The following TLE1 variants were observed in gnomAD, a reference collection of about 807,000 sequenced individuals.
TLE1 encodes the protein TLE family member 1, transcriptional corepressor.
In TLE1, 21 loss-of-function variants were observed where a neutral mutation model predicts 89.8. The observed-to-expected ratio is 0.23, with a 90% confidence interval of 0.17 to 0.34. The LOEUF is 0.34. Ranked by LOEUF, TLE1 falls within the 10% of genes least tolerant of loss-of-function variation. TLE1 has a pLI of 1.00. For missense variants in TLE1, 795 were observed against 1,031.2 expected (o/e 0.77, Z 3.14); for synonymous variants, 447 against 407.6 (o/e 1.10, Z -1.16).
In TLE1 at chr9:81,685,578, A is replaced by T. The variant is rs1834159247; in HGVS notation, c.234+98T>A. 4 of 1,231,030 alleles carry T rather than the reference A, an allele frequency of 3.2e-6. No individual in the cohort carries two copies. The Admixed American group carries it at 9.6e-5, about 30-fold the overall frequency. 76.3% of individuals were successfully genotyped at this position (1,231,030 alleles called of 1,614,324 possible). A position where few individuals can be genotyped will look rare whatever the true frequency, so the allele number is the denominator to read the frequency against. On this transcript the variant is annotated intron_variant, in intron 4 of 19. Transcript: ENST00000376499. ...ACCAAGGCAGAAAAATAGCATACAAACCCCCACCCCTAGAGCCCACTACTG... is the reference window on the plus strand; with the variant it reads ...ACCAAGGCAGAAAAATAGCATACAATCCCCCACCCCTAGAGCCCACTACTG...
chr9:81,686,752 G>A (rs559426343), intron 2 of TLE1, among the ~76,000 whole-genome samples: 48 of 152,304 alleles, frequency 3.2e-4, no homozygotes, highest in African/African-American at 1.1e-3. Context: ...CTAAGGCTGA[G>A]ATGGATATAA....
intron 6 of TLE1, among the ~76,000 whole-genome samples, chr9:81,641,549 G>GT (rs1828118497): frequency 6.6e-6 from 1 of 152,050 alleles, no homozygotes. Flanking sequence ...TCAAATAAGA[G>GT]TTAACATCCA....
At chr9:81,595,861 T>C (rs762992718) in intron 14 of TLE1, among the ~76,000 whole-genome samples, 2 of 150,442 alleles carry the variant, frequency 1.3e-5, no homozygotes, top group Non-Finnish European at 3.0e-5. Flanking sequence ...AACAATTGAG[T>C]TGCACATGAT....
At chr9:81,627,427 T>A (rs2132270957) in intron 8 of TLE1, among the ~76,000 whole-genome samples, 1 of 152,254 alleles carries the variant, frequency 6.6e-6, no homozygotes, top group South Asian at 2.1e-4. Flanking sequence ...CCTGACTTAT[T>A]GCATCCACAG....
chr9:81,633,608 A>G, intron 7 of TLE1: 1 of 569,444 alleles, frequency 1.8e-6, no homozygotes, highest in Non-Finnish European at 3.0e-6. Flanking sequence ...TCTTGACAGA[A>G]TAAATTACTT....
intron 6 of TLE1, among the ~76,000 whole-genome samples, chr9:81,650,745 G>T (rs1315610083): frequency 6.6e-6 from 1 of 152,192 alleles, no homozygotes; most frequent in African/African-American, 2.4e-5. Context: ...CTGGGGGGAA[G>T]AGGAGGGAGA....
chr9:81,623,884 G>A (rs1000100098), intron 8 of TLE1, among the ~76,000 whole-genome samples: 2 of 152,078 alleles, frequency 1.3e-5, no homozygotes, highest in Non-Finnish European at 2.9e-5. Flanking sequence ...CTGAGAAGAG[G>A]CCAAAGCAAC....
At chr9:81,605,300 T>A (rs1831492083) in intron 14 of TLE1, among the ~76,000 whole-genome samples, 2 of 152,172 alleles carry the variant, frequency 1.3e-5, no homozygotes, top group Non-Finnish European at 2.9e-5. Context: ...ATGAGTGCAG[T>A]CATCGAGAGT....
At chr9:81,655,866 AAAAGAAAAG>A (rs1226154961) in intron 4 of TLE1, among the ~76,000 whole-genome samples, 1 of 144,254 alleles carries the variant, frequency 6.9e-6, no homozygotes, top group Non-Finnish European at 1.5e-5. Context: ...AAAAAAAAAA[AAAAGAAAAG>A]AAAAGAACAA....
chr9:81,656,628 A>G, intron 4 of TLE1, among the ~76,000 whole-genome samples: 1 of 152,224 alleles, frequency 6.6e-6, no homozygotes, highest in Admixed American at 6.5e-5. Flanking sequence ...AGTGAGAGAC[A>G]CATTTTAATA....
Position 81,684,551 on chromosome 9 carries a change from G to A in TLE1, c.234+1125C>T, listed in dbSNP as rs72749004. Among the ~76,000 whole-genome samples the A allele has an allele frequency of 7.6e-3, 1,163 of 152,330 alleles. 15 individuals carry two copies. Among genetic ancestry groups the A allele is most frequent in the Non-Finnish European group, 0.013 (887 of 68,034 alleles). ...CAACTCTGAAACACACTTGCTTAAT[G>A]AAAGTCTTTGAATATAAGGAAGATC... On this transcript the variant is annotated intron_variant, in intron 4 of 19. Transcript: ENST00000376499.
intron 6 of TLE1, among the ~76,000 whole-genome samples, chr9:81,639,373 T>C (rs778512340): frequency 2.2e-4 from 34 of 152,088 alleles, no homozygotes; most frequent in Non-Finnish European, 4.6e-4. Flanking sequence ...CCTGCATCTG[T>C]ACTCTCTAAC....
At chr9:81,676,248 C>T (rs1032335236) in intron 4 of TLE1, among the ~76,000 whole-genome samples, 1 of 152,162 alleles carries the variant, frequency 6.6e-6, no homozygotes, top group Non-Finnish European at 1.5e-5. Flanking sequence ...AATGCCTACT[C>T]TGGATAACTC....
chr9:81,645,084 G>A (rs980096121), intron 6 of TLE1, among the ~76,000 whole-genome samples: 2 of 151,466 alleles, frequency 1.3e-5, no homozygotes, highest in East Asian at 3.9e-4. Context: ...AATAGGCTGG[G>A]TGCAGTGCCT....
chr9:81,636,568 G>A (rs1204407519), intron 6 of TLE1, among the ~76,000 whole-genome samples: 1 of 152,110 alleles, frequency 6.6e-6, no homozygotes. Flanking sequence ...TAACTACAGG[G>A]TGGAGGATGC....
chr9:81,643,936 T>C (rs1270847596), intron 6 of TLE1, among the ~76,000 whole-genome samples: 3 of 152,200 alleles, frequency 2.0e-5, no homozygotes, highest in Non-Finnish European at 4.4e-5. Context: ...CCATTAAGGC[T>C]ATGACAAGCC....
rs564340453 is a variant in TLE1 at position 81,624,034 on chromosome 9, C to T, written c.595-3477G>A. Among the ~76,000 whole-genome samples, 45 of 152,180 alleles carry T rather than the reference C, an allele frequency of 3.0e-4. No individual in the cohort carries two copies. The South Asian group carries it at 8.9e-3, about 30-fold the overall frequency. On this transcript the variant is annotated intron_variant, in intron 8 of 19. Coordinates refer to ENST00000376499, the MANE Select transcript of TLE1 (RefSeq NM_005077.5). ...ATTCCCATTACAGCCAAAGTGCCTC[C>T]CCTCTCAGAAGAGTGATTTTTAAAC...
intron 9 of TLE1, among the ~76,000 whole-genome samples, chr9:81,619,080 A>G (rs1367852459): frequency 6.6e-6 from 1 of 152,234 alleles, no homozygotes; most frequent in African/African-American, 2.4e-5. Flanking sequence ...CAGCCTCATG[A>G]AGGGCAATTC....
chr9:81,641,584 A>G (rs1828125191), intron 6 of TLE1, among the ~76,000 whole-genome samples: 1 of 152,232 alleles, frequency 6.6e-6, no homozygotes, highest in Non-Finnish European at 1.5e-5. Context: ...ACAAAAATTA[A>G]AAAATAAGTA....
Sources: gnomAD v4.1 joint callset for allele counts (sites outside exome capture counted in the v4.1 genomes callset) on GRCh38, gnomAD v4.1.1 for gene constraint, MANE v1.5 for transcripts, NCBI Gene and HGNC (gene_info 2026-07-23, HGNC 2026-07-21) for gene names.